Variants in GABRA2 observed in about 807,000 individuals in gnomAD.
The protein encoded by GABRA2 is gamma-aminobutyric acid receptor subunit alpha-2.
A neutral mutation model predicts 48.7 loss-of-function variants in GABRA2; 16 were observed. That is an observed-to-expected ratio of 0.33 (90% CI 0.22 to 0.50). The LOEUF (loss-of-function observed/expected upper bound fraction) is 0.50. Among genes scored for constraint, GABRA2 ranks in the 20% least tolerant of loss-of-function variants. The probability of loss-of-function intolerance (pLI) is 0.98; values close to 1 mark genes in which losing one functional copy is unlikely to be tolerated. For synonymous variants in GABRA2, 185 were observed against 184.5 expected, an observed-to-expected ratio of 1.00 and a Z score of -0.02; for missense variants, 275 against 535.6, an observed-to-expected ratio of 0.51 and a Z score of 4.80.
chr4:46,304,267 T>A (rs183898293), intron 7 of GABRA2, among the ~76,000 whole-genome samples: 3 of 152,274 alleles, frequency 2.0e-5, no homozygotes, highest in East Asian at 3.9e-4. Context: ...TCTGGCCACA[T>A]CTACAAGACT....
intron 4 of GABRA2, among the ~76,000 whole-genome samples, chr4:46,313,165 TAAAAATTAAAAAGAAAAAACATAACAGA>T (rs1027660863): frequency 5.4e-5 from 8 of 148,046 alleles, no homozygotes; most frequent in African/African-American, 2.0e-4. Flanking sequence ...ATAAAATTTT[TAAAAATTAAAAAGAAAAAACATAACAGA>T]AAAAATTAAA....
intron 8 of GABRA2, among the ~76,000 whole-genome samples, chr4:46,289,791 T>C (rs1723238360): frequency 6.6e-6 from 1 of 152,190 alleles, no homozygotes; most frequent in Admixed American, 6.5e-5. Flanking sequence ...GATCTATGTG[T>C]CTGTTCGTAT....
At chr4:46,307,000 A>C (rs1726816208) in intron 6 of GABRA2, among the ~76,000 whole-genome samples, 1 of 152,156 alleles carries the variant, frequency 6.6e-6, no homozygotes, top group Non-Finnish European at 1.5e-5. Flanking sequence ...TCAGTGAAAC[A>C]CCATTATCAC....
At chr4:46,352,993 C>G (rs759112939) in intron 3 of GABRA2, among the ~76,000 whole-genome samples, 2 of 152,052 alleles carry the variant, frequency 1.3e-5, no homozygotes, top group Non-Finnish European at 1.5e-5. Flanking sequence ...AAAGTTTCAG[C>G]TATTGTTTAC....
At chr4:46,251,042 C>T (rs1394659386) in intron 9 of GABRA2, among the ~76,000 whole-genome samples, 2 of 151,464 alleles carry the variant, frequency 1.3e-5, no homozygotes, top group East Asian at 2.0e-4. Context: ...TCCCACCTCA[C>T]GTCAAAGTCA....
At chr4:46,313,589 CTT>C (rs1491453170) in intron 4 of GABRA2, among the ~76,000 whole-genome samples, 6 of 130,292 alleles carry the variant, frequency 4.6e-5, no homozygotes, top group African/African-American at 1.4e-4. Context: ...CTCTCTCTCT[CTT>C]TACCTCTCTC....
chr4:46,376,045 CA>C (rs1260087691), intron 3 of GABRA2, among the ~76,000 whole-genome samples: 1 of 152,166 alleles, frequency 6.6e-6, no homozygotes, highest in Non-Finnish European at 1.5e-5. Flanking sequence ...TGACAGTGTA[CA>C]TGCCTCATCT....
intron 4 of GABRA2, among the ~76,000 whole-genome samples, chr4:46,315,647 A>G (rs1728420430): frequency 6.6e-6 from 1 of 151,974 alleles, no homozygotes; most frequent in African/African-American, 2.4e-5. Flanking sequence ...ATCTATTGCA[A>G]TTATACATTT....
At chr4:46,258,850 G>A (rs960304146) in intron 9 of GABRA2, among the ~76,000 whole-genome samples, 19 of 151,762 alleles carry the variant, frequency 1.3e-4, no homozygotes, top group Admixed American at 5.9e-4. Flanking sequence ...GGTTATTAGC[G>A]CTCTTCAGCT....
chr4:46,281,861 C>A (rs546761698), intron 8 of GABRA2, among the ~76,000 whole-genome samples: 1 of 149,192 alleles, frequency 6.7e-6, no homozygotes, highest in African/African-American at 2.4e-5. Flanking sequence ...TATCTTTCTT[C>A]TAGAGATGAT....
chr4:46,300,717 A>G (rs1238139000), intron 8 of GABRA2, among the ~76,000 whole-genome samples: 1 of 151,990 alleles, frequency 6.6e-6, no homozygotes, highest in Admixed American at 6.6e-5. Flanking sequence ...ATCCACTTAA[A>G]TTATCCAAGA....
intron 8 of GABRA2, among the ~76,000 whole-genome samples, chr4:46,288,721 A>T (rs1723020493): frequency 6.6e-6 from 1 of 152,190 alleles, no homozygotes; most frequent in South Asian, 2.1e-4. Flanking sequence ...AATGGGATCT[A>T]ATTGAACTAA....
intron 3 of GABRA2, chr4:46,367,579 T>C (rs560712179): frequency 2.0e-5 from 3 of 152,216 alleles, no homozygotes; most frequent in African/African-American, 7.2e-5. Context: ...AAAAAGGGCA[T>C]ACAGCACTGC....
At chr4:46,265,783 AT>A (rs539443434) in intron 8 of GABRA2, among the ~76,000 whole-genome samples, 23 of 151,416 alleles carry the variant, frequency 1.5e-4, no homozygotes, top group African/African-American at 5.3e-4. Context: ...TGATTTGAGA[AT>A]TTTTTTTCTC....
chr4:46,361,943 G>A (rs1031654405), intron 3 of GABRA2, among the ~76,000 whole-genome samples: 1 of 152,202 alleles, frequency 6.6e-6, no homozygotes, highest in African/African-American at 2.4e-5. Flanking sequence ...ATTTAGAATG[G>A]TTGTATTTAT....
rs1726388531 is a variant in GABRA2, at chr4:46,304,893, C to T, written c.703+675G>A. 5.6e-5 allele frequency among the ~76,000 whole-genome samples: 8 copies of T among 141,700 alleles called. No homozygotes were observed. The South Asian group carries it at 1.8e-3, about 31-fold the overall frequency. The allele number at this position is 141,700 out of a possible 152,430, so 93.0% of individuals were successfully genotyped here. A position where few individuals can be genotyped will look rare whatever the true frequency, so the allele number is the denominator to read the frequency against. Reference sequence around the variant, plus strand: ...TGAGCCCAGATCGTGCCACTGCACTCCAGCCTGGTGACAGAGCAAGACTCT... The same window carrying T: ...TGAGCCCAGATCGTGCCACTGCACTTCAGCCTGGTGACAGAGCAAGACTCT... On this transcript the variant is annotated intron_variant, in intron 7 of 9. Coordinates refer to ENST00000381620, the MANE Select transcript of GABRA2 (RefSeq NM_000807.4).
chr4:46,320,742 G>A (rs967152649), intron 4 of GABRA2, among the ~76,000 whole-genome samples: 3 of 151,802 alleles, frequency 2.0e-5, no homozygotes, highest in African/African-American at 7.2e-5. Flanking sequence ...AAAGACAAGA[G>A]ATAACGAGTG....
intron 3 of GABRA2, among the ~76,000 whole-genome samples, chr4:46,378,482 C>G (rs894741884): frequency 2.0e-5 from 3 of 151,838 alleles, no homozygotes; most frequent in Non-Finnish European, 4.4e-5. Context: ...AGAGTCATCA[C>G]CACTCCCTAA....
chr4:46,389,894 C>G lies in GABRA2; in HGVS notation c.-170G>C, dbSNP rs1175361620. 1 of 964,604 alleles carries G rather than the reference C, an allele frequency of 1.0e-6. No individual in the cohort carries two copies. Among genetic ancestry groups the G allele is most frequent in the East Asian group, 1.3e-4 (1 of 7,898 alleles). The allele number at this position is 964,604 out of a possible 1,614,324, so 59.8% of individuals were successfully genotyped here. ...CTGCAGCAGCCAAGAGAGCGTGGAG[C>G]GATGGGCTGGTGGAAGCCGGAGAGG... On this transcript the variant is annotated 5_prime_UTR_variant, in exon 1 of 10. Coordinates refer to ENST00000381620, the MANE Select transcript of GABRA2 (RefSeq NM_000807.4).
Sources: gnomAD v4.1 joint callset for allele counts (sites outside exome capture counted in the v4.1 genomes callset) on GRCh38, gnomAD v4.1.1 for gene constraint, MANE v1.5 for transcripts, NCBI Gene and HGNC (gene_info 2026-07-23, HGNC 2026-07-21) for gene names.